The following GRM7 variants were observed in gnomAD, a reference collection of about 807,000 sequenced individuals.
GRM7 encodes glutamate metabotropic receptor 7.
A neutral mutation model predicts 84.5 loss-of-function variants in GRM7; 35 were observed. The ratio of observed to expected loss-of-function variants is 0.41; its 90% CI spans 0.32 to 0.55. The LOEUF is 0.55. GRM7 is among the 20% of genes least tolerant of loss of function. The pLI, the probability that GRM7 is intolerant of heterozygous loss-of-function variation, is 0.19. For synonymous variants in GRM7, 487 were observed against 455.1 expected, an observed-to-expected ratio of 1.07 and a Z score of -0.89; for missense variants, 1,003 against 1,194.6, an observed-to-expected ratio of 0.84 and a Z score of 2.36.
intron 8 of GRM7, among the ~76,000 whole-genome samples, chr3:7,653,541 C>T (rs1699052085): frequency 6.6e-6 from 1 of 152,146 alleles, no homozygotes; most frequent in African/African-American, 2.4e-5. Context: ...TCCTCTAACC[C>T]CTGCCCCTCA....
intron 9 of GRM7, among the ~76,000 whole-genome samples, chr3:7,724,943 AT>A (rs35753128): frequency 0.63 from 95,340 of 151,388 alleles, 30,919 homozygotes; most frequent in East Asian, 0.86. Flanking sequence ...TTTTATTATT[AT>A]TTTTTTTTTA....
chr3:6,953,607 A>G (rs1471240694), intron 1 of GRM7, among the ~76,000 whole-genome samples: 1 of 152,212 alleles, frequency 6.6e-6, no homozygotes, highest in South Asian at 2.1e-4. Context: ...CTAAAAAAGC[A>G]CACTAGGTTT....
rs187951087 is a variant in GRM7, at chr3:7,374,266, G to A, written c.1034-40757G>A. On this transcript the variant is annotated intron_variant, in intron 4 of 9. Coordinates refer to ENST00000357716, the MANE Select transcript of GRM7 (RefSeq NM_000844.4). ...TACATATATATTTTTTATTATATAT[G>A]TTTTATGCTGTTCAAGCGATTTTCC... 5.4e-3 allele frequency among the ~76,000 whole-genome samples: 814 copies of A among 151,942 alleles called. 9 individuals are homozygous for A. Among genetic ancestry groups the A allele is most frequent in the Non-Finnish European group, 7.9e-3 (536 of 67,988 alleles).
At chr3:7,033,265 C>T (rs1204868467) in intron 1 of GRM7, among the ~76,000 whole-genome samples, 5 of 151,968 alleles carry the variant, frequency 3.3e-5, no homozygotes, top group South Asian at 2.1e-4. Context: ...CTCATCATAA[C>T]GGATTATATC....
chr3:7,678,112 A>G (rs781200371), intron 8 of GRM7, among the ~76,000 whole-genome samples: 1 of 152,136 alleles, frequency 6.6e-6, no homozygotes, highest in Non-Finnish European at 1.5e-5. Flanking sequence ...AATAAATATT[A>G]GGTACTATCT....
intron 8 of GRM7, among the ~76,000 whole-genome samples, chr3:7,616,179 A>G (rs924009764): frequency 6.6e-6 from 1 of 152,132 alleles, no homozygotes; most frequent in African/African-American, 2.4e-5. Flanking sequence ...AGACAAAACA[A>G]TGTCTCATGC....
At chr3:7,064,087 AT>A (rs1697532186) in intron 1 of GRM7, among the ~76,000 whole-genome samples, 1 of 151,188 alleles carries the variant, frequency 6.6e-6, no homozygotes, top group Non-Finnish European at 1.5e-5. Flanking sequence ...ATTTTATTTT[AT>A]TTTATGTATT....
At chr3:7,393,673 C>T (rs1695092927) in intron 4 of GRM7, among the ~76,000 whole-genome samples, 1 of 152,198 alleles carries the variant, frequency 6.6e-6, no homozygotes. Flanking sequence ...TCTTGATTGT[C>T]TCTTCCCAAT....
chr3:7,308,113 A>G (rs1364494957), intron 4 of GRM7, among the ~76,000 whole-genome samples: 1 of 152,190 alleles, frequency 6.6e-6, no homozygotes, highest in East Asian at 1.9e-4. Context: ...ATTCTGCAGC[A>G]CTGTCCTGCA....
chr3:7,547,194 C>CTTTTTTTTTTTT (rs55678792), intron 7 of GRM7, among the ~76,000 whole-genome samples: 1 of 76,426 alleles, frequency 1.3e-5, no homozygotes, highest in African/African-American at 5.7e-5. Flanking sequence ...AGAGTGAATT[C>CTTTTTTTTTTTT]TTTTTTTTTT....
In GRM7 at chr3:7,351,919, AC is replaced by A. The variant is rs566667089; in HGVS notation, c.1033+45268del. Among the ~76,000 whole-genome samples the A allele has an allele frequency of 3.5e-3, 530 of 152,036 alleles. 2 individuals are homozygous for A. The highest frequency in any genetic ancestry group is 4.7e-3 in the Non-Finnish European group (319 of 67,948). On this transcript the variant is annotated intron_variant, in intron 4 of 9. Transcript: ENST00000357716. The stretch of plus-strand genomic sequence containing the variant: ...TAACAGCTTCTCTGGGAGACACATT[AC>A]TGGCTTCTCATTCTGTAGCTTGTGA...
intron 1 of GRM7, among the ~76,000 whole-genome samples, chr3:7,086,495 A>C (rs965906420): frequency 1.3e-5 from 2 of 152,150 alleles, no homozygotes; most frequent in Admixed American, 1.3e-4. Flanking sequence ...AGAAGGCAAA[A>C]GTGAAGAATG....
At chr3:6,951,862 A>G (rs1034956165) in intron 1 of GRM7, among the ~76,000 whole-genome samples, 2 of 152,144 alleles carry the variant, frequency 1.3e-5, no homozygotes, top group African/African-American at 4.8e-5. Flanking sequence ...TGCTTCATAT[A>G]TTTTGTAGCT....
At chr3:7,135,521 C>T (rs1693743206) in intron 1 of GRM7, among the ~76,000 whole-genome samples, 1 of 152,078 alleles carries the variant, frequency 6.6e-6, no homozygotes, top group East Asian at 1.9e-4. Flanking sequence ...TTTGTTTTGC[C>T]TTTCTGTATT....
At chr3:7,135,210 T>C (rs1024331533) in intron 1 of GRM7, among the ~76,000 whole-genome samples, 1 of 152,182 alleles carries the variant, frequency 6.6e-6, no homozygotes, top group African/African-American at 2.4e-5. Flanking sequence ...AACCATCCTA[T>C]GTGAGCAGAG....
chr3:7,308,411 A>G (rs77055680), intron 4 of GRM7, among the ~76,000 whole-genome samples: 191 of 152,192 alleles, frequency 1.3e-3, no homozygotes, highest in Non-Finnish European at 2.2e-3. Flanking sequence ...AAATATCCCT[A>G]TTATGCACCA....
chr3:7,205,666 T>C (rs1347030316), intron 2 of GRM7, among the ~76,000 whole-genome samples: 1 of 152,224 alleles, frequency 6.6e-6, no homozygotes, highest in Non-Finnish European at 1.5e-5. Flanking sequence ...TTCAGTACAG[T>C]GTCTGGGTAA....
intron 8 of GRM7, among the ~76,000 whole-genome samples, chr3:7,664,295 G>GGAGTA (rs1699587166): frequency 1.3e-5 from 2 of 151,774 alleles, no homozygotes; most frequent in South Asian, 4.2e-4. Context: ...TTGTAATCGT[G>GGAGTA]GAATAAATTA....
At position 6,862,686 on chromosome 3, in the gene GRM7, C is replaced by CGCTAACT. The variant is rs60642456; in HGVS notation, c.519+781_519+782insTAACTGC. On this transcript the variant is annotated intron_variant, in intron 1 of 9. Coordinates refer to ENST00000357716, the MANE Select transcript of GRM7 (RefSeq NM_000844.4). This position sits in a 1 kb window ranked among gnomAD's most constrained non-coding sequence, Gnocchi z 5.2. ...AGACCTCAGCCCAGGGATGAGCTCA[C>CGCTAACT]GCGAAACGAAATCGCTCTCCCTGCC... 218,432 of 283,688 alleles carry CGCTAACT rather than the reference C, an allele frequency of 0.77. 84,708 individuals carry two copies. The highest frequency in any genetic ancestry group is 0.83 in the African/African-American group (36,072 of 43,540). The allele number at this position is 283,688 out of a possible 1,614,324, so 17.6% of individuals were successfully genotyped here.
Sources: allele counts gnomAD v4.1 joint callset (sites outside exome capture counted in the v4.1 genomes callset), GRCh38; gene constraint gnomAD v4.1.1; non-coding constraint Gnocchi (gnomAD v3.1); transcripts MANE v1.5; gene names NCBI Gene and HGNC (gene_info 2026-07-23, HGNC 2026-07-21).